The following GSDME variants were observed in gnomAD, a reference collection of about 807,000 sequenced individuals.
GSDME encodes gasdermin E.
Under a neutral mutation model 47.5 loss-of-function variants are expected in GSDME, and 44 were observed. The ratio of observed to expected loss-of-function variants is 0.93; its 90% CI spans 0.73 to 1.19. The LOEUF is 1.19. Ranked by LOEUF, GSDME falls within the 50% of genes most tolerant of loss-of-function variation. GSDME has a pLI of 0.00. For missense variants in GSDME, 663 were observed against 604.2 expected (o/e 1.10, Z -1.02); for synonymous variants, 258 against 252.8 (o/e 1.02, Z -0.20).
rs1225515573 is a variant in GSDME at position 24,705,401 on chromosome 7, G to A, written c.1183+783C>T. The A allele has an allele frequency of 6.6e-6, 1 of 152,518 alleles. No homozygotes were observed. Among genetic ancestry groups the A allele is most frequent in the African/African-American group, 2.4e-5 (1 of 41,456 alleles). 9.4% of individuals were successfully genotyped at this position (152,518 alleles called of 1,614,324 possible). On this transcript the variant is annotated intron_variant, in intron 8 of 9. Transcript: ENST00000645220. This position sits in a 1 kb window ranked among gnomAD's most constrained non-coding sequence, Gnocchi z 4.1. ...AATTCTTTAAAAACTGAAGATTACT[G>A]GGTCTGTTTCTGTGTGGTGCTAGGG...
intron 5 of GSDME, among the ~76,000 whole-genome samples, chr7:24,713,611 A>AAGTGGCAC (rs1248953827): frequency 6.6e-5 from 10 of 152,178 alleles, no homozygotes; most frequent in African/African-American, 2.4e-4. Context: ...ATCACGGGGC[A>AAGTGGCAC]AGTGGCACTG....
At chr7:24,708,821 C>T (rs768991792) in intron 6 of GSDME, among the ~76,000 whole-genome samples, 18 of 152,254 alleles carry the variant, frequency 1.2e-4, no homozygotes, top group Non-Finnish European at 1.9e-4. Context: ...AAGCTGAGCA[C>T]TGAGTCCCCG....
chr7:24,735,371 A>C lies in GSDME; in HGVS notation c.404+9191T>G, dbSNP rs999270385. ...GTCCAAAATGTACTTGTAAGTACAC[A>C]GAAAAAACACAGACTATTATAACAC... is the stretch of plus-strand genomic sequence containing the variant. On this transcript the variant is annotated intron_variant, in intron 3 of 9. Coordinates refer to ENST00000645220, the MANE Select transcript of GSDME (RefSeq NM_001127453.2). The surrounding 1 kb of genome is among the most constrained non-coding windows in gnomAD (Gnocchi z 4.4). Among the ~76,000 whole-genome samples the C allele has an allele frequency of 2.0e-5, 3 of 152,238 alleles. No homozygotes were observed. Among genetic ancestry groups the C allele is most frequent in the Non-Finnish European group, 2.9e-5 (2 of 68,046 alleles).
At chr7:24,784,922 T>G in the GSDME span, among the ~76,000 whole-genome samples, 4 of 152,242 alleles carry the variant, frequency 2.6e-5, no homozygotes, top group South Asian at 8.3e-4. Context: ...AGGGTGAGTC[T>G]TCCTCTCCCA....
intron 3 of GSDME, among the ~76,000 whole-genome samples, chr7:24,729,224 G>A (rs1483160593): frequency 6.6e-6 from 1 of 152,222 alleles, no homozygotes; most frequent in African/African-American, 2.4e-5. Flanking sequence ...AAAGCCCTTG[G>A]AACATGTGTC....
chr7:24,718,974 AC>A (rs2128053541), intron 4 of GSDME, 72 bp downstream of exon 4: 1 of 1,538,420 alleles, frequency 6.5e-7, no homozygotes, highest in African/African-American at 1.4e-5. Context: ...TGAAGACACC[AC>A]CCAAAGAGGC....
the GSDME span, among the ~76,000 whole-genome samples, chr7:24,774,895 C>T: frequency 6.6e-6 from 1 of 152,152 alleles, no homozygotes; most frequent in Non-Finnish European, 1.5e-5. Context: ...TTCATTTACA[C>T]AAATACTACC....
In GSDME at chr7:24,714,695, C is replaced by T. The variant is rs962426083; in HGVS notation, c.697+2559G>A. On this transcript the variant is annotated intron_variant, in intron 5 of 9. Coordinates refer to ENST00000645220, the MANE Select transcript of GSDME (RefSeq NM_001127453.2). The surrounding 1 kb of genome is among the most constrained non-coding windows in gnomAD (Gnocchi z 5.0). The stretch of plus-strand genomic sequence containing the variant: ...TGCAAACAGGAGAGCCCTGCCAGAA[C>T]AAGGCTGTGTGTCTTTCAAACCCCA... Among the ~76,000 whole-genome samples, 2 of 152,196 alleles carry T rather than the reference C, an allele frequency of 1.3e-5. No individual in the cohort carries two copies. The highest frequency in any genetic ancestry group is 2.1e-4 in the South Asian group (1 of 4,832).
intron 6 of GSDME, among the ~76,000 whole-genome samples, chr7:24,709,764 C>T (rs1282294741): frequency 6.6e-6 from 1 of 152,190 alleles, no homozygotes; most frequent in Non-Finnish European, 1.5e-5. Flanking sequence ...GCAGTCCATG[C>T]CATGTGGATA....
At position 24,736,964 on chromosome 7, in the gene GSDME, A is replaced by G. The variant is rs1311885500; in HGVS notation, c.404+7598T>C. ...AAAAATTGAAATTTTATTGAAACAA[A>G]TGATAACAGAAACACAACAGCAAAA... is the stretch of plus-strand genomic sequence containing the variant. On this transcript the variant is annotated intron_variant, in intron 3 of 9. Transcript: ENST00000645220. This position sits in a 1 kb window ranked among gnomAD's most constrained non-coding sequence, Gnocchi z 4.6. Among the ~76,000 whole-genome samples the G allele has an allele frequency of 6.6e-6, 1 of 152,178 alleles. No individual in the cohort carries two copies. The highest frequency in any genetic ancestry group is 2.4e-5 in the African/African-American group (1 of 41,448).
upstream of GSDME, among the ~76,000 whole-genome samples, chr7:24,760,429 A>G (rs1462573058): frequency 2.0e-5 from 3 of 152,230 alleles, no homozygotes; most frequent in Non-Finnish European, 4.4e-5. This position sits in a 1 kb window ranked among gnomAD's most constrained non-coding sequence, Gnocchi z 4.2. Context: ...AGATTTGGGT[A>G]GAATCCAGCC....
At chr7:24,762,105 A>G (rs1451827525), upstream of GSDME, among the ~76,000 whole-genome samples, 1 of 152,064 alleles carries the variant, frequency 6.6e-6, no homozygotes, top group African/African-American at 2.4e-5. Context: ...AATGCAAAAA[A>G]TTAGCCAGTG....
chr7:24,700,301 AC>A (rs1788813099), intron 9 of GSDME, among the ~76,000 whole-genome samples: 1 of 152,146 alleles, frequency 6.6e-6, no homozygotes, highest in Non-Finnish European at 1.5e-5. Flanking sequence ...ACTGCTCAAC[AC>A]ATACTTGAAA....
chr7:24,754,763 T>G lies in GSDME; in HGVS notation c.-20+2633A>C, dbSNP rs762923610. ...AGGAGAAGATAACTATATTCACTAC[T>G]GCCTGTTAAGACTGATTCAGTCATG... On this transcript the variant is annotated intron_variant, in intron 1 of 9. Transcript: ENST00000645220. The surrounding 1 kb of genome is among the most constrained non-coding windows in gnomAD (Gnocchi z 5.0). Among the ~76,000 whole-genome samples the G allele has an allele frequency of 2.6e-5, 4 of 152,238 alleles. No individual in the cohort carries two copies. The highest frequency in any genetic ancestry group is 4.4e-5 in the Non-Finnish European group (3 of 68,046).
chr7:24,788,025 G>A, the GSDME span, among the ~76,000 whole-genome samples: 1 of 152,186 alleles, frequency 6.6e-6, no homozygotes, highest in East Asian at 1.9e-4. This position sits in a 1 kb window ranked among gnomAD's most constrained non-coding sequence, Gnocchi z 4.6. Context: ...TAAAAGCACA[G>A]TTGATCATAA....
intron 5 of GSDME, chr7:24,715,358 T>C (rs1282827840): frequency 2.3e-6 from 1 of 436,094 alleles, no homozygotes; most frequent in Non-Finnish European, 4.8e-6. Flanking sequence ...ACCACACACA[T>C]GCAGAGGGTA....
In GSDME at chr7:24,735,760, A is replaced by AAAATAAATAAAT. The variant is rs147090379; in HGVS notation, c.404+8790_404+8801dup. ...GTGACAACAGCAAAACTCTATCTCA[A>AAAATAAATAAAT]AAATAAATAAATAAATAAATAAATA... On this transcript the variant is annotated intron_variant, in intron 3 of 9. Coordinates refer to ENST00000645220, the MANE Select transcript of GSDME (RefSeq NM_001127453.2). This position sits in a 1 kb window ranked among gnomAD's most constrained non-coding sequence, Gnocchi z 4.4. 1.4e-5 allele frequency among the ~76,000 whole-genome samples: 2 copies of AAAATAAATAAAT among 142,938 alleles called. No individual in the cohort carries two copies. The highest frequency in any genetic ancestry group is 1.5e-5 in the Non-Finnish European group (1 of 65,694). 93.8% of individuals were successfully genotyped at this position (142,938 alleles called of 152,430 possible).
Position 24,706,108 on chromosome 7 carries a change from T to G in GSDME, c.1183+76A>C. The G allele has an allele frequency of 2.6e-6, 4 of 1,542,626 alleles. No homozygotes were observed. The South Asian group carries it at 4.5e-5, about 18-fold the overall frequency. ...ATCTTCCACAGTTACCACCTCTGTG[T>G]CCCCAGAAGCATAGATAGTAGGCAA... On this transcript the variant is annotated intron_variant, in intron 8 of 9. Transcript: ENST00000645220.
intron 7 of GSDME, chr7:24,707,149 C>G: frequency 2.7e-6 from 1 of 367,144 alleles, no homozygotes; most frequent in South Asian, 2.2e-5. Flanking sequence ...TACCCAGGCT[C>G]TTTCGGCACA....
Sources: allele counts gnomAD v4.1 joint callset (sites outside exome capture counted in the v4.1 genomes callset), GRCh38; gene constraint gnomAD v4.1.1; non-coding constraint Gnocchi (gnomAD v3.1); transcripts MANE v1.5; gene names NCBI Gene and HGNC (gene_info 2026-07-23, HGNC 2026-07-21).